SSUH2: variants seen among roughly 807,000 people sequenced by gnomAD.
SSUH2 encodes ssu-2 homolog.
Under a neutral mutation model 55.3 loss-of-function variants are expected in SSUH2, and 47 were observed. That is an observed-to-expected ratio of 0.85 (90% CI 0.67 to 1.08). SSUH2 has a LOEUF of 1.08. Among genes scored for constraint, SSUH2 ranks in the 50% least tolerant of loss-of-function variants. The pLI is 0.00. For missense variants in SSUH2, 535 were observed against 490.7 expected, an observed-to-expected ratio of 1.09 and a Z score of -0.85; for synonymous variants, 212 against 191.5, an observed-to-expected ratio of 1.11 and a Z score of -0.89.
intron 5 of SSUH2, among the ~76,000 whole-genome samples, chr3:8,664,628 C>A (rs934005713): frequency 6.6e-6 from 1 of 152,170 alleles, no homozygotes; most frequent in South Asian, 2.1e-4. Flanking sequence ...AAGCTATGTA[C>A]ACAGTGAAGA....
In SSUH2 at chr3:8,625,601, G is replaced by A. The variant is rs774982634; in HGVS notation, c.814C>T (p.Pro272Ser). Residue 272 changes from proline to serine, a missense_variant, in exon 10 of 12, where the codon CCC becomes TCC. By Grantham distance (74) the Pro-to-Ser change is moderately conservative. Coordinates refer to ENST00000544814, the MANE Select transcript of SSUH2 (RefSeq NM_001256748.3). Reference protein sequence around the residue: ...EFVSEHRLNCPRELLAKAKGE... With the variant: ...EFVSEHRLNCSRELLAKAKGE... ...TTGGCTTTAGCAAGGAGCTCCCTGG[G>A]GCAGTTGAGCCGGTGCTCAGACACA... is the stretch of plus-strand genomic sequence containing the variant. The A allele has an allele frequency of 5.6e-6, 9 of 1,613,896 alleles. No homozygotes were observed. Among genetic ancestry groups the A allele is most frequent in the Non-Finnish European group, 4.2e-6 (5 of 1,179,962 alleles).
rs369955843 is a variant in SSUH2 at position 8,632,073 on chromosome 3, C to G, written c.376G>C (p.Glu126Gln). 6.2e-7 allele frequency: 1 copy of G among 1,614,012 alleles called. No homozygotes were observed. Among genetic ancestry groups the G allele is most frequent in the Non-Finnish European group, 8.5e-7 (1 of 1,179,942 alleles). The stretch of plus-strand genomic sequence containing the variant: ...CTAGTAAAGGGTTGAAATGTCCACT[C>G]GCTTATCCTGGATTCACTAAAGGTC... Reference protein sequence around the residue: ...LETFSESRISEWTFQPFTNHS... With the variant: ...LETFSESRISQWTFQPFTNHS... The change falls in exon 5 of 12, where the codon GAG (glutamate) becomes CAG (glutamine). Residue 126 changes from glutamate to glutamine, a missense_variant. By Grantham distance (29) the Glu-to-Gln change is conservative (BLOSUM62 2). Coordinates refer to ENST00000544814, the MANE Select transcript of SSUH2 (RefSeq NM_001256748.3).
chr3:8,633,420 A>G (rs1366006955), intron 4 of SSUH2, among the ~76,000 whole-genome samples: 1 of 152,120 alleles, frequency 6.6e-6, no homozygotes, highest in Non-Finnish European at 1.5e-5. Context: ...TCGGCCTCCC[A>G]AAGTGCTGGG....
At chr3:8,672,645 C>T (rs952109817) in intron 3 of SSUH2, among the ~76,000 whole-genome samples, 1 of 151,988 alleles carries the variant, frequency 6.6e-6, no homozygotes, top group African/African-American at 2.4e-5. Flanking sequence ...TTCCTGAATA[C>T]TAGGAACAAT....
At chr3:8,637,043 C>CA (rs1275196079) in intron 1 of SSUH2, among the ~76,000 whole-genome samples, 1 of 152,178 alleles carries the variant, frequency 6.6e-6, no homozygotes, top group East Asian at 1.9e-4. Flanking sequence ...GTACAAAAGC[C>CA]ATATGCATTC....
At chr3:8,677,623 T>G (rs1206380643) in intron 2 of SSUH2, among the ~76,000 whole-genome samples, 1 of 150,728 alleles carries the variant, frequency 6.6e-6, no homozygotes, top group Non-Finnish European at 1.5e-5. Context: ...GCTGGACTTT[T>G]AACCCAAACT....
At chr3:8,643,510 T>C (rs1701209446) in intron 1 of SSUH2, among the ~76,000 whole-genome samples, 1 of 152,190 alleles carries the variant, frequency 6.6e-6, no homozygotes, top group South Asian at 2.1e-4. Flanking sequence ...CCTCCTCCAA[T>C]ACATGCTAAA....
At chr3:8,621,706 C>T (rs1696480859) in intron 11 of SSUH2, among the ~76,000 whole-genome samples, 2 of 152,168 alleles carry the variant, frequency 1.3e-5, no homozygotes, top group South Asian at 4.1e-4. Flanking sequence ...GAGTTTTCTT[C>T]ATATGCCAGA....
chr3:8,647,267 A>C (rs1312013882), upstream of SSUH2, among the ~76,000 whole-genome samples: 1 of 152,266 alleles, frequency 6.6e-6, no homozygotes, highest in African/African-American at 2.4e-5. Flanking sequence ...CACCTGTCCT[A>C]TCCATGCGCA....
upstream of SSUH2, among the ~76,000 whole-genome samples, chr3:8,648,801 G>A (rs1050790299): frequency 5.3e-5 from 8 of 152,028 alleles, no homozygotes; most frequent in Non-Finnish European, 1.0e-4. Flanking sequence ...TGGATACATC[G>A]CAGCTCCAGG....
intron 6 of SSUH2, among the ~76,000 whole-genome samples, chr3:8,630,376 A>G (rs1698520854): frequency 6.6e-6 from 1 of 152,250 alleles, no homozygotes; most frequent in Non-Finnish European, 1.5e-5. Context: ...ATGTCCATAA[A>G]GCAGGATGGA....
intron 11 of SSUH2, among the ~76,000 whole-genome samples, chr3:8,621,218 T>C (rs963739778): frequency 6.6e-6 from 1 of 152,206 alleles, no homozygotes; most frequent in Admixed American, 6.5e-5. Context: ...CAGACTCAGA[T>C]GTGGGGACCC....
rs957510534 is a variant in SSUH2, at chr3:8,678,419, A to ACT, written c.-900-1067_-900-1066insAG. ...TAACAAATTCACAGGCTGGGTGAAC[A>ACT]GCCTGCGATGCTGGAATTATTATCC... On this transcript the variant is annotated intron_variant, in intron 2 of 18. Coordinates refer to the SSUH2 transcript ENST00000317371. Among the ~76,000 whole-genome samples the ACT allele has an allele frequency of 4.8e-4, 73 of 152,170 alleles. 2 individuals carry two copies. Among genetic ancestry groups the ACT allele is most frequent in the African/African-American group, 1.2e-3 (51 of 41,544 alleles).
exon 2 of SSUH2, chr3:8,679,748 T>C (rs1012885576): frequency 1.2e-5 from 2 of 166,780 alleles, no homozygotes; most frequent in Non-Finnish European, 1.2e-5. Context: ...AAAGCTCAGA[T>C]CTGCGGAAGG....
intron 8 of SSUH2, among the ~76,000 whole-genome samples, chr3:8,626,657 C>T (rs1377676149): frequency 2.0e-5 from 3 of 151,950 alleles, no homozygotes; most frequent in South Asian, 2.1e-4. Flanking sequence ...ATGACCCAGG[C>T]GAGTGCAATG....
chr3:8,644,458 G>A (rs1324069792), intron 1 of SSUH2, among the ~76,000 whole-genome samples: 1 of 152,134 alleles, frequency 6.6e-6, no homozygotes, highest in African/African-American at 2.4e-5. Flanking sequence ...TTGTCCAAAG[G>A]CTCATAACGG....
intron 7 of SSUH2, among the ~76,000 whole-genome samples, chr3:8,651,614 C>T (rs1702420613): frequency 6.6e-6 from 1 of 152,144 alleles, no homozygotes; most frequent in African/African-American, 2.4e-5. Flanking sequence ...GCTTTGATTC[C>T]TTGCAGAGAC....
At chr3:8,675,415 G>A (rs1196608529) in intron 3 of SSUH2, among the ~76,000 whole-genome samples, 2 of 152,152 alleles carry the variant, frequency 1.3e-5, no homozygotes, top group South Asian at 2.1e-4. Context: ...GCTCCAGTAG[G>A]TTGATGACCT....
chr3:8,645,719 C>G (rs943847197), upstream of SSUH2, among the ~76,000 whole-genome samples: 3 of 152,160 alleles, frequency 2.0e-5, no homozygotes, highest in African/African-American at 7.2e-5. Context: ...CTGGGATTGC[C>G]TTCACCAGGG....
Sources: gnomAD v4.1 joint callset for allele counts (sites outside exome capture counted in the v4.1 genomes callset) on GRCh38, gnomAD v4.1.1 for gene constraint, MANE v1.5 for transcripts, NCBI Gene and HGNC (gene_info 2026-07-23, HGNC 2026-07-21) for gene names.